CCDC178: variants seen among roughly 807,000 people sequenced by gnomAD.
CCDC178 encodes coiled-coil domain containing 178.
A neutral mutation model predicts 117.4 loss-of-function variants in CCDC178; 126 were observed. The observed-to-expected ratio is 1.07, with a 90% CI of 0.93 to 1.24. The LOEUF is 1.24. CCDC178 is among the 50% of genes most tolerant of loss of function. CCDC178 has a pLI of 0.00. For missense variants in CCDC178, 1,030 were observed against 986.9 expected (o/e 1.04, Z -0.59); for synonymous variants, 283 against 313.4 (o/e 0.90, Z 1.02).
intron 6 of CCDC178, among the ~76,000 whole-genome samples, chr18:33,369,107 G>A (rs1016328753): frequency 2.0e-5 from 3 of 151,910 alleles, no homozygotes; most frequent in Admixed American, 2.0e-4. Flanking sequence ...TTTCCTGAAG[G>A]GGTAATCTGA....
intron 10 of CCDC178, among the ~76,000 whole-genome samples, chr18:33,332,913 C>A (rs1190778141): frequency 6.6e-6 from 1 of 152,176 alleles, no homozygotes; most frequent in Non-Finnish European, 1.5e-5. Flanking sequence ...CCACCACACC[C>A]AGCCTTACCT....
At chr18:32,963,093 T>C (rs1200959600) in intron 22 of CCDC178, among the ~76,000 whole-genome samples, 1 of 152,032 alleles carries the variant, frequency 6.6e-6, no homozygotes, top group Non-Finnish European at 1.5e-5. Flanking sequence ...CATGGTATAG[T>C]GGTTAAGAAC....
At chr18:33,192,150 A>G (rs1334251932) in intron 20 of CCDC178, among the ~76,000 whole-genome samples, 2 of 152,236 alleles carry the variant, frequency 1.3e-5, no homozygotes, top group Non-Finnish European at 2.9e-5. Flanking sequence ...GTACTTATGT[A>G]CAGTTGGCCA....
At chr18:33,233,243 GT>G (rs1443477629) in intron 15 of CCDC178, among the ~76,000 whole-genome samples, 1 of 152,024 alleles carries the variant, frequency 6.6e-6, no homozygotes, top group Non-Finnish European at 1.5e-5. Flanking sequence ...TGAATGTTAG[GT>G]TTTTTACATC....
chr18:33,329,224 G>A (rs2062630463), intron 10 of CCDC178, among the ~76,000 whole-genome samples: 1 of 152,042 alleles, frequency 6.6e-6, no homozygotes, highest in African/African-American at 2.4e-5. Context: ...GTTAGATCAT[G>A]CCCTCTGATA....
At chr18:33,049,850 A>AG (rs1325029939) in intron 21 of CCDC178, among the ~76,000 whole-genome samples, 1 of 151,618 alleles carries the variant, frequency 6.6e-6, no homozygotes, top group Non-Finnish European at 1.5e-5. Flanking sequence ...TGGGAGGCCG[A>AG]GGGGGGTGGA....
At chr18:33,156,331 G>T (rs1352093533) in intron 20 of CCDC178, among the ~76,000 whole-genome samples, 1 of 150,586 alleles carries the variant, frequency 6.6e-6, no homozygotes, top group Non-Finnish European at 1.5e-5. Flanking sequence ...CTTGTGATCC[G>T]CCCGCCTCTG....
chr18:33,221,272 T>C (rs550037709), intron 18 of CCDC178, among the ~76,000 whole-genome samples: 3 of 152,112 alleles, frequency 2.0e-5, no homozygotes. Context: ...CTCCTTCTTT[T>C]GGCTAAAAAG....
chr18:33,014,010 C>T (rs6507001), intron 21 of CCDC178, among the ~76,000 whole-genome samples: 151,873 of 152,360 alleles, frequency 1, 75,698 homozygotes, highest in Middle Eastern at 1. Context: ...TAACCAACAT[C>T]CTTGCCCACA....
intron 6 of CCDC178, 130 bp from the exon 7 acceptor site, chr18:33,356,476 T>A: frequency 1.0e-6 from 1 of 983,264 alleles, no homozygotes; most frequent in Non-Finnish European, 1.4e-6. Context: ...GTACTTATAC[T>A]CTCGGTTGTA....
chr18:33,267,873 T>C (rs1447699540), intron 12 of CCDC178, among the ~76,000 whole-genome samples: 3 of 151,552 alleles, frequency 2.0e-5, no homozygotes, highest in Non-Finnish European at 4.4e-5. Context: ...AGGAAATGAA[T>C]AGCTTTTATC....
intron 21 of CCDC178, among the ~76,000 whole-genome samples, chr18:32,974,969 A>T (rs1469707579): frequency 6.6e-6 from 1 of 152,160 alleles, no homozygotes; most frequent in Non-Finnish European, 1.5e-5. Flanking sequence ...GCTGATGAGT[A>T]AAATATTTCT....
At chr18:33,399,222 G>T (rs759931180) in intron 3 of CCDC178, among the ~76,000 whole-genome samples, 35 of 151,902 alleles carry the variant, frequency 2.3e-4, no homozygotes, top group Admixed American at 5.2e-4. Flanking sequence ...AAAGTTAATG[G>T]TCATGTGAGC....
chr18:33,174,151 G>A (rs912336435), intron 20 of CCDC178, among the ~76,000 whole-genome samples: 2 of 151,694 alleles, frequency 1.3e-5, no homozygotes, highest in African/African-American at 2.4e-5. Flanking sequence ...TACGTCACAC[G>A]GTGAGAATGG....
intron 20 of CCDC178, among the ~76,000 whole-genome samples, chr18:33,180,365 AT>A (rs1277792607): frequency 2.6e-5 from 4 of 151,854 alleles, no homozygotes; most frequent in Non-Finnish European, 4.4e-5. Context: ...TTTATTAGTA[AT>A]TTTTTTCACT....
chr18:33,314,200 CAA>C (rs869127341), intron 11 of CCDC178, among the ~76,000 whole-genome samples: 60 of 62,422 alleles, frequency 9.6e-4, no homozygotes, highest in Non-Finnish European at 1.4e-3. Context: ...GACTCCGTCT[CAA>C]AAAAAAAAAA....
chr18:33,180,536 A>AT (rs1395774171), intron 20 of CCDC178, among the ~76,000 whole-genome samples: 1 of 151,954 alleles, frequency 6.6e-6, no homozygotes, highest in Non-Finnish European at 1.5e-5. Flanking sequence ...TAAAAATTAC[A>AT]TTTTTCTGTC....
intron 12 of CCDC178, among the ~76,000 whole-genome samples, chr18:33,280,974 G>A (rs1036339055): frequency 5.9e-5 from 9 of 152,002 alleles, no homozygotes; most frequent in Non-Finnish European, 1.3e-4. Context: ...GCGGGGGAGC[G>A]ATAGCATTAG....
At chr18:33,061,806 G>T (rs2056926242) in intron 21 of CCDC178, among the ~76,000 whole-genome samples, 1 of 151,938 alleles carries the variant, frequency 6.6e-6, no homozygotes, top group Non-Finnish European at 1.5e-5. Context: ...TTCAGCAGTG[G>T]CAAGATTTGG....
Sources: allele counts gnomAD v4.1 joint callset (sites outside exome capture counted in the v4.1 genomes callset), GRCh38; gene constraint gnomAD v4.1.1; transcripts MANE v1.5; gene names NCBI Gene and HGNC (gene_info 2026-07-23, HGNC 2026-07-21).